Variants in SPEF2 observed in about 807,000 individuals in gnomAD.
The protein encoded by SPEF2 is sperm flagellar and cilia associated 2, also known as sperm flagella and cilia-associated protein 2.
SPEF2 carries 187 observed loss-of-function variants against 224.6 expected under a neutral mutation model. That is an observed-to-expected ratio of 0.83 (90% confidence interval 0.74 to 0.94). SPEF2 has a LOEUF of 0.94. Ranked by LOEUF, SPEF2 falls within the 40% of genes least tolerant of loss-of-function variation. The pLI, the probability that SPEF2 is intolerant of heterozygous loss-of-function variation, is 0.00. For missense variants in SPEF2, 2,170 were observed against 2,135.6 expected (o/e 1.02, Z -0.32); for synonymous variants, 715 against 707.3 (o/e 1.01, Z -0.17).
chr5:35,629,375 T>A (rs2149372592), intron 2 of SPEF2, among the ~76,000 whole-genome samples: 1 of 151,956 alleles, frequency 6.6e-6, no homozygotes, highest in East Asian at 1.9e-4. Flanking sequence ...GCCAGGATGG[T>A]CTCGATCTCC....
chr5:35,771,203 A>G (rs188123809), intron 26 of SPEF2, among the ~76,000 whole-genome samples: 193 of 152,338 alleles, frequency 1.3e-3, no homozygotes, highest in Admixed American at 3.3e-4. Context: ...AAAAAGGTTA[A>G]GAAACATTGA....
chr5:35,620,655 G>A (rs1743374275), intron 1 of SPEF2, among the ~76,000 whole-genome samples: 1 of 152,092 alleles, frequency 6.6e-6, no homozygotes. Context: ...TGTAATGCTT[G>A]GATACATGGT....
At chr5:35,794,402 T>TG (rs1756382439) in intron 32 of SPEF2, among the ~76,000 whole-genome samples, 5 of 151,110 alleles carry the variant, frequency 3.3e-5, no homozygotes, top group African/African-American at 4.8e-5. Context: ...CTCTTTTTTT[T>TG]TGAGAGAGCT....
intron 23 of SPEF2, among the ~76,000 whole-genome samples, chr5:35,752,669 G>C (rs1749842169): frequency 0.026 from 1 of 38 alleles, no homozygotes; most frequent in Non-Finnish European, 0.1. Flanking sequence ...TGGGACTGAA[G>C]CCTAATATAG....
At chr5:35,727,949 ATT>A in intron 21 of SPEF2, 126 bp downstream of exon 21, 2 of 1,023,908 alleles carry the variant, frequency 2.0e-6, no homozygotes, top group Non-Finnish European at 2.7e-6. Flanking sequence ...TCCATCTGAG[ATT>A]TTTTTTAGAG....
intron 23 of SPEF2, among the ~76,000 whole-genome samples, chr5:35,751,005 A>G (rs1457617058): frequency 1.6e-5 from 2 of 122,742 alleles, no homozygotes; most frequent in African/African-American, 6.4e-5. Context: ...ATGTATATAT[A>G]TATATACGTA....
intron 1 of SPEF2, among the ~76,000 whole-genome samples, chr5:35,621,753 G>T (rs1743547552): frequency 6.6e-6 from 1 of 152,182 alleles, no homozygotes; most frequent in Admixed American, 6.5e-5. Flanking sequence ...CTGTGCATTT[G>T]CTGCCTTATG....
chr5:35,693,055 G>A (rs2149537664), intron 12 of SPEF2, among the ~76,000 whole-genome samples: 1 of 152,224 alleles, frequency 6.6e-6, no homozygotes, highest in African/African-American at 2.4e-5. Context: ...TTCTCCCAAG[G>A]AAAGAGCCAC....
At position 35,716,631 on chromosome 5, in the gene SPEF2, T is replaced by C. The variant is rs574264277; in HGVS notation, c.2914+3745T>C. ...TTTTTGCTTTTATTTTACTATTATATTGCATTAAATAATATTTGAAATATG... is the reference window on the plus strand; with the variant it reads ...TTTTTGCTTTTATTTTACTATTATACTGCATTAAATAATATTTGAAATATG... On this transcript the variant is annotated intron_variant, in intron 20 of 36. Coordinates refer to ENST00000356031, the MANE Select transcript of SPEF2 (RefSeq NM_024867.4). Among the ~76,000 whole-genome samples the C allele has an allele frequency of 4.6e-5, 7 of 152,304 alleles. No individual in the cohort carries two copies. In the South Asian group the frequency reaches 1.5e-3, roughly 32 times the overall value.
At chr5:35,729,367 G>A (rs186618260) in intron 21 of SPEF2, among the ~76,000 whole-genome samples, 31 of 152,298 alleles carry the variant, frequency 2.0e-4, no homozygotes, top group African/African-American at 7.2e-4. Flanking sequence ...TCTGACAAGA[G>A]CTGTGGCCTT....
At chr5:35,768,855 A>G (rs1200089177) in intron 26 of SPEF2, among the ~76,000 whole-genome samples, 2 of 152,180 alleles carry the variant, frequency 1.3e-5, no homozygotes, top group African/African-American at 4.8e-5. Flanking sequence ...TAGTGCAACT[A>G]AAAATGAGAG....
chr5:35,671,351 T>G, intron 10 of SPEF2: 1 of 957,246 alleles, frequency 1.0e-6, no homozygotes, highest in South Asian at 4.8e-5. Flanking sequence ...ATACTATATT[T>G]TAATTAAATG....
chr5:35,678,089 C>T (rs1365582099), intron 10 of SPEF2, among the ~76,000 whole-genome samples: 1 of 152,340 alleles, frequency 6.6e-6, no homozygotes, highest in East Asian at 1.9e-4. Context: ...CTTCCAAAAA[C>T]AAGCATAAGG....
chr5:35,691,692 A>G (rs1561204673), intron 11 of SPEF2, among the ~76,000 whole-genome samples: 1 of 152,218 alleles, frequency 6.6e-6, no homozygotes, highest in Admixed American at 6.5e-5. Context: ...GGTTGCACAC[A>G]TTGTGAATGT....
intron 5 of SPEF2, among the ~76,000 whole-genome samples, chr5:35,648,519 G>A (rs1464145905): frequency 1.3e-5 from 2 of 151,798 alleles, no homozygotes; most frequent in African/African-American, 4.8e-5. Flanking sequence ...TGAGTAACTG[G>A]GACTACAGGT....
chr5:35,618,110 T>A, intron 1 of SPEF2, 55 bp downstream of exon 1: 5 of 1,536,546 alleles, frequency 3.3e-6, no homozygotes, highest in Non-Finnish European at 4.4e-6. Flanking sequence ...GCGCAGAGCC[T>A]GCAGCGCAGC....
chr5:35,729,922 C>T (rs894457397), intron 21 of SPEF2, among the ~76,000 whole-genome samples: 1 of 152,178 alleles, frequency 6.6e-6, no homozygotes, highest in African/African-American at 2.4e-5. Context: ...TCTGAGGCCT[C>T]CCCAGCCATG....
intron 36 of SPEF2, among the ~76,000 whole-genome samples, chr5:35,812,690 G>C (rs948625065): frequency 2.6e-5 from 4 of 152,036 alleles, no homozygotes; most frequent in Admixed American, 2.6e-4. Context: ...CCTTATAATT[G>C]AGGTTTATAT....
Position 35,667,157 on chromosome 5 carries a change from C to G in SPEF2, c.1253C>G (p.Ala418Gly), listed in dbSNP as rs769527706. Residue 418 changes from alanine to glycine, a missense_variant, in exon 9 of 37, where the codon GCT (alanine) becomes GGT (glycine). Ala to Gly is a moderately conservative substitution (Grantham distance 60). Coordinates refer to ENST00000356031, the MANE Select transcript of SPEF2 (RefSeq NM_024867.4). The part of the protein sequence containing the change: ...RFHDQIAVER[A>G]QARYEKHYSV... Reference sequence around the variant, plus strand: ...CATGATCAGATTGCTGTGGAAAGAGCTCAAGCTCGTTATGAAAAGCATTAT... The same window carrying G: ...CATGATCAGATTGCTGTGGAAAGAGGTCAAGCTCGTTATGAAAAGCATTAT... 6.2e-7 allele frequency: 1 copy of G among 1,612,372 alleles called. No homozygotes were observed. The highest frequency in any genetic ancestry group is 1.1e-5 in the South Asian group (1 of 90,588).
Sources: allele counts gnomAD v4.1 joint callset (sites outside exome capture counted in the v4.1 genomes callset), GRCh38; gene constraint gnomAD v4.1.1; transcripts MANE v1.5; gene names NCBI Gene and HGNC (gene_info 2026-07-23, HGNC 2026-07-21).